Variants in POGLUT2 observed in about 807,000 individuals in gnomAD.
POGLUT2 encodes the protein ER protein 58.
In POGLUT2, 47 loss-of-function variants were observed where a neutral mutation model predicts 57.6. The ratio of observed to expected loss-of-function variants is 0.82; its 90% CI spans 0.65 to 1.04. The LOEUF is 1.04. Ranked by LOEUF, POGLUT2 falls within the 50% of genes least tolerant of loss-of-function variation. The pLI, the probability that POGLUT2 is intolerant of heterozygous loss-of-function variation, is 0.00. For missense variants in POGLUT2, 565 were observed against 614.8 expected (o/e 0.92, Z 0.86); for synonymous variants, 200 against 218.8 (o/e 0.91, Z 0.76).
Position 102,798,597 on chromosome 13 carries a change from C to T in POGLUT2, c.74G>A (p.Arg25Lys), listed in dbSNP as rs772049321. The change falls in exon 1 of 10, where the codon AGG (arginine) becomes AAG (lysine). Residue 25 changes from arginine (R) to lysine (K), a missense_variant. Transcript: ENST00000376004. ...VPALAETGGE[R>K]QLSPEKSEIW... is the part of the protein sequence containing the mutation. ...TTCGCTCTTCTCCGGGCTCAGCTGC[C>T]TTTCTCCGCCGGTCTCGGCGAGTGC... The T allele has an allele frequency of 5.6e-6, 9 of 1,613,682 alleles. No individual in the cohort carries two copies. The Admixed American group carries it at 1.3e-4, about 24-fold the overall frequency.
intron 4 of POGLUT2, 21 bp from the exon 5 acceptor site, chr13:102,791,451 A>G: frequency 6.4e-7 from 1 of 1,564,614 alleles, no homozygotes; most frequent in Non-Finnish European, 8.6e-7. Context: ...CAAAACGAGG[A>G]GCTTATTCAC....
chr13:102,796,632 G>A (rs1231785258), intron 2 of POGLUT2, among the ~76,000 whole-genome samples, 172 bp downstream of exon 2: 2 of 144,646 alleles, frequency 1.4e-5, no homozygotes, highest in Non-Finnish European at 3.0e-5. Context: ...CTTTTTACCA[G>A]GACTCATAAC....
Position 102,798,608 on chromosome 13 carries a change from G to A in POGLUT2, c.63C>T (p.Thr21=). ...CCGGGCTCAGCTGCCTTTCTCCGCC[G>A]GTCTCGGCGAGTGCTGGAACTGTCG... ...FLATVPALAE[T]GGERQLSPEK... Residue 21 remains threonine, a synonymous_variant, in exon 1 of 10, where the codon ACC becomes ACT. Transcript: ENST00000376004. 6.2e-7 allele frequency: 1 copy of A among 1,613,294 alleles called. No individual in the cohort carries two copies. Among genetic ancestry groups the A allele is most frequent in the South Asian group, 1.1e-5 (1 of 90,958 alleles).
chr13:102,795,387 A>G (rs1369880482), intron 2 of POGLUT2, among the ~76,000 whole-genome samples: 1 of 151,962 alleles, frequency 6.6e-6, no homozygotes, highest in Non-Finnish European at 1.5e-5. Flanking sequence ...ACATGGCAAA[A>G]CCCTGTTTCT....
chr13:102,784,597 T>C (rs1259711051), intron 9 of POGLUT2, 85 bp from the exon 10 acceptor site: 3 of 864,212 alleles, frequency 3.5e-6, no homozygotes, highest in Non-Finnish European at 3.8e-6. Context: ...TATTTTCCTG[T>C]AAAGATGAGA....
At chr13:102,797,930 G>A (rs189918122) in intron 1 of POGLUT2, among the ~76,000 whole-genome samples, 80 of 152,174 alleles carry the variant, frequency 5.3e-4, no homozygotes, top group Middle Eastern at 3.4e-3. Flanking sequence ...AGAAGTATAG[G>A]AATTATAAAA....
chr13:102,796,280 C>T (rs1878373972), intron 2 of POGLUT2, among the ~76,000 whole-genome samples: 3 of 133,200 alleles, frequency 2.3e-5, no homozygotes, highest in East Asian at 2.1e-4. Context: ...TGTGACAGAG[C>T]GAGACTCTGC....
At chr13:102,790,659 A>G (rs778153040) in intron 6 of POGLUT2, among the ~76,000 whole-genome samples, 21 of 152,194 alleles carry the variant, frequency 1.4e-4, no homozygotes, top group Non-Finnish European at 3.1e-4. Flanking sequence ...TAGCTGGAAA[A>G]AAATTATAGC....
chr13:102,793,867 T>C (rs529690542), intron 2 of POGLUT2, 61 bp from the exon 3 acceptor site: 1 of 1,400,118 alleles, frequency 7.1e-7, no homozygotes, highest in East Asian at 2.3e-5. Flanking sequence ...TCGAAACTTG[T>C]AATAAACATC....
chr13:102,790,806 C>A lies in POGLUT2; in HGVS notation c.1083+95G>T. 5 of 850,910 alleles carry A rather than the reference C, an allele frequency of 5.9e-6. No homozygotes were observed. In the South Asian group the frequency reaches 8.0e-5, roughly 14 times the overall value. The allele number at this position is 850,910 out of a possible 1,614,324, so 52.7% of individuals were successfully genotyped here. A position where few individuals can be genotyped will look rare whatever the true frequency, so the allele number is the denominator to read the frequency against. ...TCAATTTTGTGCTAACTTCTCCCAC[C>A]TCTTGAAATTTGCAGGCCTTAATTT... On this transcript the variant is annotated intron_variant, in intron 6 of 9. Transcript: ENST00000376004.
At chr13:102,787,379 C>T (rs901502371) in intron 8 of POGLUT2, among the ~76,000 whole-genome samples, 8 of 152,128 alleles carry the variant, frequency 5.3e-5, no homozygotes, top group South Asian at 2.1e-4. Flanking sequence ...TCCTTTAAAT[C>T]GTCGGATATG....
intron 6 of POGLUT2, 152 bp downstream of exon 6, chr13:102,790,749 A>G (rs1348541899): frequency 6.4e-6 from 4 of 620,964 alleles, no homozygotes; most frequent in Non-Finnish European, 1.1e-5. Context: ...TTGCCAAAAC[A>G]GTCCCCAGCA....
intron 1 of POGLUT2, among the ~76,000 whole-genome samples, chr13:102,797,219 T>C (rs1366445023): frequency 2.6e-5 from 4 of 152,188 alleles, no homozygotes; most frequent in Non-Finnish European, 5.9e-5. Flanking sequence ...CAAGATAACA[T>C]GAAACAGTTT....
chr13:102,789,271 C>G (rs376636257), intron 6 of POGLUT2, 50 bp from the exon 7 acceptor site: 380 of 1,450,856 alleles, frequency 2.6e-4, no homozygotes, highest in Non-Finnish European at 3.4e-4. Context: ...CTCCTTTTCT[C>G]CACTCTATTC....
chr13:102,786,342 G>T lies in POGLUT2; in HGVS notation c.1384-3C>A. On this transcript the variant is annotated splice_region_variant and splice_polypyrimidine_tract_variant and intron_variant, in intron 8 of 9. Coordinates refer to ENST00000376004, the MANE Select transcript of POGLUT2 (RefSeq NM_024089.3). ...CTCACTTGTAAATTGGCATATTCCT[G>T]TTTAAGCAACAATATAAAAGCATTC... 1 of 1,583,648 alleles carries T rather than the reference G, an allele frequency of 6.3e-7. No individual in the cohort carries two copies. Among genetic ancestry groups the T allele is most frequent in the Non-Finnish European group, 8.7e-7 (1 of 1,152,308 alleles).
intron 1 of POGLUT2, among the ~76,000 whole-genome samples, chr13:102,798,272 A>G (rs752291933): frequency 4.7e-4 from 72 of 152,226 alleles, no homozygotes; most frequent in Non-Finnish European, 3.4e-4. Flanking sequence ...TCTGAATCAA[A>G]ATTGCTAGGA....
Position 102,791,016 on chromosome 13 carries a change from C to A in POGLUT2, c.968G>T (p.Ser323Ile), listed in dbSNP as rs767091528. The A allele has an allele frequency of 1.2e-6, 2 of 1,614,170 alleles. No individual in the cohort carries two copies. Among genetic ancestry groups the A allele is most frequent in the South Asian group, 2.2e-5 (2 of 91,090 alleles). Residue 323 changes from serine (S) to isoleucine (I), a missense_variant, in exon 6 of 10, where the codon AGT (serine) becomes ATT (isoleucine). Transcript: ENST00000376004. ...GTCTATGAGTTCTGGGTGTTTTCTA[C>A]TGAGTTTAACCAGCTCGAGTCTCTC... is the stretch of plus-strand genomic sequence containing the variant. The part of the protein sequence containing the change: ...RKERLELVKL[S>I]RKHPELIDAA...
chr13:102,790,860 A>G (rs371814094), intron 6 of POGLUT2, 41 bp downstream of exon 6: 8 of 1,319,442 alleles, frequency 6.1e-6, no homozygotes, highest in Non-Finnish European at 8.8e-6. Flanking sequence ...GTACAAATAC[A>G]TTAGAAAAAC....
intron 1 of POGLUT2, among the ~76,000 whole-genome samples, chr13:102,798,039 C>T (rs896557624): frequency 1.3e-5 from 2 of 152,182 alleles, no homozygotes; most frequent in Non-Finnish European, 2.9e-5. Context: ...TCCTTCCGAA[C>T]TCTGAAGTTT....
Sources: gnomAD v4.1 joint callset for allele counts (sites outside exome capture counted in the v4.1 genomes callset) on GRCh38, gnomAD v4.1.1 for gene constraint, MANE v1.5 for transcripts, NCBI Gene and HGNC (gene_info 2026-07-23, HGNC 2026-07-21) for gene names.